AGTPBP1: variants seen among roughly 807,000 people sequenced by gnomAD.
AGTPBP1 encodes the protein ATP/GTP binding carboxypeptidase 1, also known as cytosolic carboxypeptidase 1.
Under a neutral mutation model 143.9 loss-of-function variants are expected in AGTPBP1, and 70 were observed. The ratio of observed to expected loss-of-function variants is 0.49; its 90% CI spans 0.40 to 0.59. AGTPBP1 has a LOEUF of 0.59. AGTPBP1 is among the 20% of genes least tolerant of loss of function. The probability of loss-of-function intolerance (pLI) is 0.00; values close to 1 mark genes in which losing one functional copy is unlikely to be tolerated. For synonymous variants in AGTPBP1, 463 were observed against 500.2 expected (o/e 0.93, Z 0.99); for missense variants, 1,229 against 1,464.5 (o/e 0.84, Z 2.62).
chr9:85,663,618 GA>G (rs530485264), intron 8 of AGTPBP1, among the ~76,000 whole-genome samples: 13,416 of 139,724 alleles, frequency 0.096, 797 homozygotes, highest in African/African-American at 0.17. Context: ...AATGATGGGG[GA>G]AAAAAAAAAA....
chr9:85,763,342 C>A, the AGTPBP1 span, among the ~76,000 whole-genome samples: 1 of 151,990 alleles, frequency 6.6e-6, no homozygotes, highest in Non-Finnish European at 1.5e-5. Flanking sequence ...AGACCCAGGA[C>A]AACTGGTCCA....
chr9:85,576,511 T>C (rs966989628), intron 24 of AGTPBP1, among the ~76,000 whole-genome samples: 7 of 151,892 alleles, frequency 4.6e-5, no homozygotes, highest in African/African-American at 1.7e-4. Flanking sequence ...CCTGACTTCA[T>C]TAGAACCTTC....
In AGTPBP1 at chr9:85,586,869, G is replaced by A; in HGVS notation, c.2995C>T (p.Leu999=). 2.5e-6 allele frequency: 4 copies of A among 1,613,962 alleles called. No individual in the cohort carries two copies. Among genetic ancestry groups the A allele is most frequent in the Non-Finnish European group, 3.4e-6 (4 of 1,179,924 alleles). ...TTCACTGCAGCCAAGTATTGCAACA[G>A]CCCCTTAGCATGGTAAATTGTAGGA... is the stretch of plus-strand genomic sequence containing the variant. The part of the protein sequence containing the change: ...LHPTIYHAKG[L]LQYLAAVKRL... The change falls in exon 22 of 26, where the codon CTG becomes TTG. Residue 999 remains leucine (L), a synonymous_variant. Coordinates refer to ENST00000357081, the MANE Select transcript of AGTPBP1 (RefSeq NM_001330701.2).
At chr9:85,636,099 T>TA (rs1207419164) in intron 13 of AGTPBP1, among the ~76,000 whole-genome samples, 1 of 151,778 alleles carries the variant, frequency 6.6e-6, no homozygotes, top group East Asian at 1.9e-4. Flanking sequence ...AACCTAAACA[T>TA]ACAATTCAAC....
chr9:85,728,477 A>T (rs1010422047), intron 1 of AGTPBP1, among the ~76,000 whole-genome samples: 1 of 152,216 alleles, frequency 6.6e-6, no homozygotes, highest in Non-Finnish European at 1.5e-5. Flanking sequence ...CCTGCCAATC[A>T]TAGGAAAGTA....
Position 85,579,068 on chromosome 9 carries a change from G to A in AGTPBP1, c.3194C>T (p.Ala1065Val). 1 of 1,609,750 alleles carries A rather than the reference G, an allele frequency of 6.2e-7. No homozygotes were observed. Among genetic ancestry groups the A allele is most frequent in the Non-Finnish European group, 8.5e-7 (1 of 1,178,534 alleles). Residue 1065 changes from alanine (A) to valine (V), a missense_variant, in exon 24 of 26, where the codon GCC becomes GTC. Ala to Val is a moderately conservative substitution (Grantham distance 64). This residue lies in a region of AGTPBP1 where 486 missense variants were observed against 652.3 expected (regional missense o/e 0.75). Transcript: ENST00000357081. ...ACAGCTGCTCATGCAAAATGCTGGG[G>A]CGATATGGCTCAGTATCTTAGGCAA... ...RTLPKILSHI[A>V]PAFCMSSCSF...
intron 1 of AGTPBP1, among the ~76,000 whole-genome samples, chr9:85,723,422 A>G (rs1473819961): frequency 6.6e-6 from 1 of 152,126 alleles, no homozygotes; most frequent in East Asian, 1.9e-4. Flanking sequence ...TCCCCCACCA[A>G]GCTGCAGCAT....
At chr9:85,708,000 C>T (rs1396331039) in intron 2 of AGTPBP1, among the ~76,000 whole-genome samples, 5 of 151,878 alleles carry the variant, frequency 3.3e-5, no homozygotes, top group Admixed American at 2.6e-4. Context: ...CACCATGGCA[C>T]GTGTATACTT....
At chr9:85,561,330 G>A (rs10116151) in intron 25 of AGTPBP1, among the ~76,000 whole-genome samples, 161 of 151,386 alleles carry the variant, frequency 1.1e-3, no homozygotes, top group African/African-American at 3.7e-3. Context: ...AGAGATTGCA[G>A]TGAGCCAAGA....
the AGTPBP1 span, among the ~76,000 whole-genome samples, chr9:85,748,194 G>A: frequency 2.6e-5 from 4 of 152,106 alleles, no homozygotes; most frequent in Non-Finnish European, 4.4e-5. Flanking sequence ...AGTCCTTATC[G>A]TAATACTGTG....
At chr9:85,591,525 A>G (rs1828967118) in intron 19 of AGTPBP1, among the ~76,000 whole-genome samples, 1 of 152,168 alleles carries the variant, frequency 6.6e-6, no homozygotes, top group Non-Finnish European at 1.5e-5. Context: ...CACAATCAGT[A>G]AAGAACAATA....
chr9:85,696,438 T>A (rs886310596), intron 2 of AGTPBP1, among the ~76,000 whole-genome samples: 1 of 151,898 alleles, frequency 6.6e-6, no homozygotes, highest in Admixed American at 6.6e-5. Context: ...GAGGCTGAGG[T>A]GGGCAGATCG....
intron 13 of AGTPBP1, among the ~76,000 whole-genome samples, chr9:85,640,213 T>G (rs924315872): frequency 6.6e-6 from 1 of 152,186 alleles, no homozygotes; most frequent in African/African-American, 2.4e-5. Context: ...AGCATGTCAC[T>G]TACATATTGC....
chr9:85,712,462 T>C, intron 2 of AGTPBP1, 40 bp downstream of exon 2: 1 of 1,119,642 alleles, frequency 8.9e-7, no homozygotes, highest in Non-Finnish European at 1.3e-6. Flanking sequence ...CATACATTAT[T>C]TCTGTAACTT....
intron 1 of AGTPBP1, among the ~76,000 whole-genome samples, chr9:85,740,067 C>T (rs567250950): frequency 1.3e-5 from 2 of 152,092 alleles, no homozygotes; most frequent in East Asian, 3.9e-4. Flanking sequence ...TCTTTTCCTT[C>T]TGCTAATGGA....
At chr9:85,746,555 G>A (rs1310094273), upstream of AGTPBP1, among the ~76,000 whole-genome samples, 1 of 152,052 alleles carries the variant, frequency 6.6e-6, no homozygotes, top group African/African-American at 2.4e-5. Flanking sequence ...CTTGAGCCCA[G>A]GAGTTCAAGG....
intron 25 of AGTPBP1, 45 bp downstream of exon 25, chr9:85,575,270 A>G: frequency 6.9e-7 from 1 of 1,453,516 alleles, no homozygotes; most frequent in Non-Finnish European, 9.2e-7. Context: ...ATGAAGTCTA[A>G]TAATATACTA....
At chr9:85,715,245 C>CAA (rs1276506563) in intron 1 of AGTPBP1, among the ~76,000 whole-genome samples, 73 of 106,732 alleles carry the variant, frequency 6.8e-4, no homozygotes, top group African/African-American at 2.3e-3. Flanking sequence ...GACTCTGTCT[C>CAA]AAAAAAAAAA....
intron 8 of AGTPBP1, 103 bp downstream of exon 8, chr9:85,669,382 C>G (rs1834339257): frequency 1.9e-6 from 1 of 533,432 alleles, no homozygotes; most frequent in Non-Finnish European, 3.2e-6. Context: ...ATGAAATAAC[C>G]CTGGAGACAA....
Sources: allele counts gnomAD v4.1 joint callset (sites outside exome capture counted in the v4.1 genomes callset), GRCh38; gene constraint gnomAD v4.1.1; regional missense constraint gnomAD v4.1.1; transcripts MANE v1.5; gene names NCBI Gene and HGNC (gene_info 2026-07-23, HGNC 2026-07-21).